The following LYST variants were observed in gnomAD, a reference collection of about 807,000 sequenced individuals.
The protein encoded by LYST is lysosomal-trafficking regulator.
LYST carries 192 observed loss-of-function variants against 413.6 expected under a neutral mutation model. The observed-to-expected ratio is 0.46, with a 90% CI of 0.41 to 0.52. The LOEUF (loss-of-function observed/expected upper bound fraction) is 0.52, where lower values mean the gene tolerates loss of function less well. LYST is among the 20% of genes least tolerant of loss of function. LYST has a pLI of 0.00. For missense variants in LYST, 3,815 were observed against 4,499.9 expected (o/e 0.85, Z 4.35); for synonymous variants, 1,525 against 1,567.3 (o/e 0.97, Z 0.64).
At chr1:235,750,239 T>A (rs906575903) in intron 28 of LYST, among the ~76,000 whole-genome samples, 4 of 152,140 alleles carry the variant, frequency 2.6e-5, no homozygotes, top group Non-Finnish European at 5.9e-5. Flanking sequence ...AGACAGTGCA[T>A]TCAGATATTA....
intron 46 of LYST, among the ~76,000 whole-genome samples, chr1:235,695,211 TGAATCCTTACA>T (rs1660994158): frequency 6.6e-6 from 1 of 152,372 alleles, no homozygotes; most frequent in Admixed American, 6.5e-5. Context: ...ATTATTGTAT[TGAATCCTTACA>T]GAAAATTACC....
At chr1:235,878,971 G>A (rs111292479) in intron 1 of LYST, among the ~76,000 whole-genome samples, 3 of 152,248 alleles carry the variant, frequency 2.0e-5, no homozygotes, top group Non-Finnish European at 4.4e-5. Flanking sequence ...GGCTGTTAGA[G>A]TACCCATCAC....
Position 235,664,697 on chromosome 1 carries a change from A to AC in LYST, c.11039-77dup. Reference sequence around the variant, plus strand: ...GCCCACATTTGGCCCCAGAAGGGCAACCCTGAAGGGCAAGCTCATTTGTTT... The same window carrying AC: ...GCCCACATTTGGCCCCAGAAGGGCAACCCCTGAAGGGCAAGCTCATTTGTTT... On this transcript the variant is annotated intron_variant, in intron 50 of 52. Transcript: ENST00000389793. This position sits in a 1 kb window ranked among gnomAD's most constrained non-coding sequence, Gnocchi z 4.5. 7.5e-7 allele frequency: 1 copy of AC among 1,340,002 alleles called. No individual in the cohort carries two copies. Among genetic ancestry groups the AC allele is most frequent in the Non-Finnish European group, 1.1e-6 (1 of 934,480 alleles). 83.0% of individuals were successfully genotyped at this position (1,340,002 alleles called of 1,614,324 possible).
At position 235,752,101 on chromosome 1, in the gene LYST, C is replaced by A. The variant is rs1160418102; in HGVS notation, c.7531G>T (p.Ala2511Ser). The A allele has an allele frequency of 6.2e-7, 1 of 1,611,276 alleles. No homozygotes were observed. The highest frequency in any genetic ancestry group is 1.7e-5 in the Admixed American group (1 of 59,968). ...QQLFIAVTIH[A>S]CSSSGSQYFR... ...TATTGTGAGCCTGAGGAACTGCAAGCATGAATTGTAACTGCTATGAAAAGT... is the reference window on the plus strand; with the variant it reads ...TATTGTGAGCCTGAGGAACTGCAAGAATGAATTGTAACTGCTATGAAAAGT... Residue 2511 changes from alanine (A) to serine (S), a missense_variant, in exon 27 of 53, where the codon GCT (alanine) becomes TCT (serine). Physicochemically the swap from Ala to Ser is moderately conservative, Grantham distance 99. Transcript: ENST00000389793.
At chr1:235,826,020 T>A (rs963331666) in intron 3 of LYST, among the ~76,000 whole-genome samples, 1 of 152,168 alleles carries the variant, frequency 6.6e-6, no homozygotes, top group Non-Finnish European at 1.5e-5. Context: ...GAAAGACCCA[T>A]AAATATAGAA....
At chr1:235,828,703 G>A (rs1675603636) in intron 3 of LYST, 1 of 847,740 alleles carries the variant, frequency 1.2e-6, no homozygotes, top group Non-Finnish European at 1.4e-6. Flanking sequence ...ATATTTTAAA[G>A]AAGACAAAGC....
chr1:235,690,462 T>A (rs914848729), intron 47 of LYST, among the ~76,000 whole-genome samples: 4 of 152,214 alleles, frequency 2.6e-5, no homozygotes, highest in Non-Finnish European at 5.9e-5. Flanking sequence ...ATATATATAT[T>A]TCTATCTGCA....
At position 235,759,083 on chromosome 1, in the gene LYST, G is replaced by A; in HGVS notation, c.6770C>T (p.Ala2257Val). 1.2e-6 allele frequency: 2 copies of A among 1,614,064 alleles called. No individual in the cohort carries two copies. The highest frequency in any genetic ancestry group is 1.3e-5 in the African/African-American group (1 of 74,944). ...AAGACTTGGCCAACGGCCAACAGCT[G>A]CAGATCCGTTCTGTGAAGGAAAAGC... The part of the protein sequence containing the change: ...GLAFPSQNGS[A>V]AVGRWPSLVD... The change falls in exon 23 of 53, where the codon GCA (alanine) becomes GTA (valine). Residue 2257 changes from alanine (A) to valine (V), a missense_variant. By Grantham distance (64) the Ala-to-Val change is moderately conservative (BLOSUM62 0). Transcript: ENST00000389793.
At chr1:235,862,959 G>A (rs1180001975) in intron 1 of LYST, among the ~76,000 whole-genome samples, 1 of 152,114 alleles carries the variant, frequency 6.6e-6, no homozygotes, top group Non-Finnish European at 1.5e-5. Context: ...CAATGGCAAA[G>A]GTGAAGTAAG....
upstream of LYST, among the ~76,000 whole-genome samples, chr1:235,868,879 G>A (rs1680788424): frequency 6.6e-6 from 1 of 151,936 alleles, no homozygotes; most frequent in Non-Finnish European, 1.5e-5. Flanking sequence ...ATTTTTAGTA[G>A]AGACAGAGTT....
intron 1 of LYST, among the ~76,000 whole-genome samples, chr1:235,863,767 C>T (rs1370700387): frequency 1.3e-5 from 2 of 152,136 alleles, no homozygotes; most frequent in Non-Finnish European, 2.9e-5. Flanking sequence ...GTCAAGGTAA[C>T]GTAAAAAGTG....
chr1:235,812,932 T>C (rs766136904), intron 4 of LYST, 39 bp downstream of exon 4: 15 of 1,284,156 alleles, frequency 1.2e-5, no homozygotes, highest in Admixed American at 5.1e-5. Context: ...CTATGAAATT[T>C]TGATAACACA....
In LYST at chr1:235,686,379, C is replaced by A. The variant is rs1660224277; in HGVS notation, c.10800+570G>T. ...GAGGTTCTGTCTCAAAAAACAAAAA[C>A]AAAACAAAACAAAACAAAACCCCCC... is the stretch of plus-strand genomic sequence containing the variant. On this transcript the variant is annotated intron_variant, in intron 48 of 52. Transcript: ENST00000389793. This position sits in a 1 kb window ranked among gnomAD's most constrained non-coding sequence, Gnocchi z 4.0. 6.6e-6 allele frequency among the ~76,000 whole-genome samples: 1 copy of A among 151,930 alleles called. No individual in the cohort carries two copies. Among genetic ancestry groups the A allele is most frequent in the South Asian group, 2.1e-4 (1 of 4,808 alleles).
rs1182808405 is a variant in LYST at position 235,770,346 on chromosome 1, G to C, written c.5785-49C>G. On this transcript the variant is annotated intron_variant, in intron 19 of 52. Transcript: ENST00000389793. ...TAAGCACATACTTACTGAAAAATAT[G>C]CAGCATGCTTTTTGGAAGACACACA... is the stretch of plus-strand genomic sequence containing the variant. 3.2e-6 allele frequency: 5 copies of C among 1,576,072 alleles called. No individual in the cohort carries two copies. The Admixed American group carries it at 8.4e-5, about 26-fold the overall frequency.
chr1:235,828,903 G>C, intron 3 of LYST: 1 of 910,746 alleles, frequency 1.1e-6, no homozygotes, highest in Non-Finnish European at 1.3e-6. Context: ...TCATGAAAAA[G>C]AATAAAAATA....
At chr1:235,880,328 CAT>C (rs1330272263) in intron 1 of LYST, among the ~76,000 whole-genome samples, 5 of 152,142 alleles carry the variant, frequency 3.3e-5, no homozygotes, top group African/African-American at 9.7e-5. Context: ...GAATCAATAG[CAT>C]AGACATTCTG....
chr1:235,714,582 C>T (rs1481704970), intron 42 of LYST, among the ~76,000 whole-genome samples: 1 of 152,112 alleles, frequency 6.6e-6, no homozygotes, highest in Non-Finnish European at 1.5e-5. Flanking sequence ...CCATGAGAAA[C>T]AGCTATAGAA....
chr1:235,718,811 A>G (rs763733957), intron 40 of LYST, among the ~76,000 whole-genome samples: 4 of 152,232 alleles, frequency 2.6e-5, no homozygotes, highest in Non-Finnish European at 4.4e-5. Context: ...CCAAATTTCA[A>G]AGTAAGGAAT....
intron 10 of LYST, among the ~76,000 whole-genome samples, chr1:235,798,097 A>C (rs1270831354): frequency 6.6e-6 from 1 of 152,176 alleles, no homozygotes; most frequent in Non-Finnish European, 1.5e-5. Context: ...ATGTCAAACA[A>C]ATTCTGATAC....
Sources: gnomAD v4.1 joint callset for allele counts (sites outside exome capture counted in the v4.1 genomes callset) on GRCh38, gnomAD v4.1.1 for gene constraint, Gnocchi (gnomAD v3.1) non-coding constraint, MANE v1.5 for transcripts, NCBI Gene and HGNC (gene_info 2026-07-23, HGNC 2026-07-21) for gene names.